Variants in CFAP299 observed in about 807,000 individuals in gnomAD.
CFAP299 encodes cilia- and flagella-associated protein 299.
A neutral mutation model predicts 27.0 loss-of-function variants in CFAP299; 21 were observed. The ratio of observed to expected loss-of-function variants is 0.78; its 90% CI spans 0.55 to 1.12. The LOEUF (loss-of-function observed/expected upper bound fraction) is 1.12, where lower values mean the gene tolerates loss of function less well. CFAP299 is among the 50% of genes most tolerant of loss of function. The pLI, the probability that CFAP299 is intolerant of heterozygous loss-of-function variation, is 0.00. For synonymous variants in CFAP299, 104 were observed against 98.1 expected (o/e 1.06, Z -0.36); for missense variants, 310 against 276.6 (o/e 1.12, Z -0.86).
Position 80,468,037 on chromosome 4 carries a change from G to A in CFAP299, c.242+105153G>A, listed in dbSNP as rs891580792. 3.3e-5 allele frequency among the ~76,000 whole-genome samples: 5 copies of A among 152,212 alleles called. No individual in the cohort carries two copies. In the East Asian group the frequency reaches 7.7e-4, roughly 24 times the overall value. ...GGATTACAACTGAAGATGAGATTTGGGTGGGAACACAGAGCCAAACCATCC... is the reference window on the plus strand; with the variant it reads ...GGATTACAACTGAAGATGAGATTTGAGTGGGAACACAGAGCCAAACCATCC... On this transcript the variant is annotated intron_variant, in intron 2 of 5. Transcript: ENST00000358105.
chr4:80,330,702 C>T, the CFAP299 span, among the ~76,000 whole-genome samples: 1 of 152,160 alleles, frequency 6.6e-6, no homozygotes, highest in Admixed American at 6.5e-5. Flanking sequence ...AGAATTCTGA[C>T]TTGTGCTGTT....
At chr4:80,557,122 A>G (rs1734820608) in intron 2 of CFAP299, among the ~76,000 whole-genome samples, 1 of 152,070 alleles carries the variant, frequency 6.6e-6, no homozygotes, top group Non-Finnish European at 1.5e-5. Context: ...TGTTATTCCA[A>G]CACATGGCCC....
upstream of CFAP299, chr4:80,335,673 C>T (rs1007256264): frequency 3.9e-6 from 3 of 771,260 alleles, no homozygotes; most frequent in African/African-American, 3.4e-5. Flanking sequence ...AAGCTCACAC[C>T]GGCTTCAACT....
At chr4:80,364,312 CT>C (rs1284987604) in intron 2 of CFAP299, among the ~76,000 whole-genome samples, 1 of 152,026 alleles carries the variant, frequency 6.6e-6, no homozygotes, top group Non-Finnish European at 1.5e-5. Context: ...TCTCCAGTTC[CT>C]TGGTTGTCAT....
At chr4:80,536,975 A>G (rs1486262044) in intron 2 of CFAP299, among the ~76,000 whole-genome samples, 1 of 152,080 alleles carries the variant, frequency 6.6e-6, no homozygotes, top group Non-Finnish European at 1.5e-5. Flanking sequence ...GGATTAATAT[A>G]TAAGGAACTC....
chr4:80,763,183 G>T (rs529542130), intron 3 of CFAP299, among the ~76,000 whole-genome samples: 7 of 152,248 alleles, frequency 4.6e-5, no homozygotes, highest in Admixed American at 3.9e-4. Context: ...TGCAGATGAC[G>T]TGATTGTATA....
rs575784277 is a variant in CFAP299 at position 80,820,918 on chromosome 4, G to A, written c.334-49075G>A. On this transcript the variant is annotated intron_variant, in intron 3 of 5. Coordinates refer to ENST00000358105, the MANE Select transcript of CFAP299 (RefSeq NM_152770.3). ...ATTTTGGATAACACAGATCATTACT[G>A]AGAAATTGTGTAAGTACTGAGCACC... Among the ~76,000 whole-genome samples the A allele has an allele frequency of 2.6e-5, 4 of 152,262 alleles. No homozygotes were observed. In the South Asian group the frequency reaches 6.2e-4, roughly 24 times the overall value.
rs114070010 is a variant in CFAP299 at position 80,412,064 on chromosome 4, G to C, written c.242+49180G>C. 3.6e-3 allele frequency among the ~76,000 whole-genome samples: 546 copies of C among 152,200 alleles called. 2 individuals are homozygous for C. The highest frequency in any genetic ancestry group is 0.012 in the African/African-American group (514 of 41,524). Reference sequence around the variant, plus strand: ...GGAATAAGAAAGTGACTCACAGAGAGGTTAAGTACCTTACATAGGTCCCTC... The same window carrying C: ...GGAATAAGAAAGTGACTCACAGAGACGTTAAGTACCTTACATAGGTCCCTC... On this transcript the variant is annotated intron_variant, in intron 2 of 5. Transcript: ENST00000358105.
intron 3 of CFAP299, among the ~76,000 whole-genome samples, chr4:80,604,798 G>A (rs929153937): frequency 3.3e-5 from 5 of 151,538 alleles, no homozygotes; most frequent in Admixed American, 6.6e-5. Flanking sequence ...AATTTTACAA[G>A]AGTATGAATT....
In CFAP299 at chr4:80,497,434, A is replaced by C. The variant is rs1334721289; in HGVS notation, c.243-85659A>C. 2.6e-5 allele frequency among the ~76,000 whole-genome samples: 4 copies of C among 152,224 alleles called. No individual in the cohort carries two copies. In the South Asian group the frequency reaches 6.2e-4, roughly 24 times the overall value. On this transcript the variant is annotated intron_variant, in intron 2 of 5. Transcript: ENST00000358105. The stretch of plus-strand genomic sequence containing the variant: ...TATGCTAATTTTAAAGTAGGTTACA[A>C]AATAAAGTAAGTTCTCACTATTCTA...
chr4:80,452,176 G>C (rs116225363), intron 2 of CFAP299, among the ~76,000 whole-genome samples: 1,993 of 152,042 alleles, frequency 0.013, 40 homozygotes, highest in African/African-American at 0.044. Flanking sequence ...GTCATATTTG[G>C]TGTATATAGT....
chr4:80,880,717 C>T (rs577365863), intron 4 of CFAP299, among the ~76,000 whole-genome samples: 12 of 150,552 alleles, frequency 8.0e-5, no homozygotes, highest in African/African-American at 7.5e-5. Flanking sequence ...CAGAGCGAGA[C>T]TCCGTCTCAA....
At chr4:80,577,651 T>G (rs1385712685) in intron 2 of CFAP299, among the ~76,000 whole-genome samples, 2 of 152,082 alleles carry the variant, frequency 1.3e-5, no homozygotes, top group African/African-American at 4.8e-5. Context: ...TCTGCACACC[T>G]CGGCCTCGCA....
At chr4:80,554,907 A>T (rs7687584) in intron 2 of CFAP299, among the ~76,000 whole-genome samples, 57,950 of 151,922 alleles carry the variant, frequency 0.38, 14,946 homozygotes, top group African/African-American at 0.73. Context: ...GGGCCAAGAC[A>T]ATGGGGTTTT....
At chr4:80,780,384 C>G (rs571382409) in intron 3 of CFAP299, among the ~76,000 whole-genome samples, 139 of 152,198 alleles carry the variant, frequency 9.1e-4, no homozygotes, top group African/African-American at 3.2e-3. Context: ...CCATCTTCAC[C>G]ACTAAGAAAT....
At chr4:80,717,847 A>G (rs1403338777) in intron 3 of CFAP299, among the ~76,000 whole-genome samples, 1 of 152,152 alleles carries the variant, frequency 6.6e-6, no homozygotes, top group Non-Finnish European at 1.5e-5. Context: ...TATTAAATGT[A>G]CAGATGTTTG....
chr4:80,542,971 G>A (rs1734074414), intron 2 of CFAP299, among the ~76,000 whole-genome samples: 1 of 152,022 alleles, frequency 6.6e-6, no homozygotes, highest in Non-Finnish European at 1.5e-5. Flanking sequence ...GAGTGCTGTT[G>A]CCAGTGGCCT....
chr4:80,522,602 A>G (rs1001253374), intron 2 of CFAP299, among the ~76,000 whole-genome samples: 3 of 151,972 alleles, frequency 2.0e-5, no homozygotes, highest in African/African-American at 7.3e-5. Flanking sequence ...TATTTCCCAT[A>G]TGTTTTCTTC....
At chr4:80,529,045 T>C (rs1340286316) in intron 2 of CFAP299, among the ~76,000 whole-genome samples, 1 of 152,134 alleles carries the variant, frequency 6.6e-6, no homozygotes, top group Admixed American at 6.6e-5. Flanking sequence ...GCCTTCAAAA[T>C]TTCTCCATGT....
Sources: gnomAD v4.1 joint callset for allele counts (sites outside exome capture counted in the v4.1 genomes callset) on GRCh38, gnomAD v4.1.1 for gene constraint, MANE v1.5 for transcripts, NCBI Gene and HGNC (gene_info 2026-07-23, HGNC 2026-07-21) for gene names.